The following CNTNAP2 variants were observed in gnomAD, a reference collection of about 807,000 sequenced individuals.
The protein encoded by CNTNAP2 is contactin-associated protein-like 2.
Under a neutral mutation model 155.2 loss-of-function variants are expected in CNTNAP2, and 98 were observed. The observed-to-expected ratio is 0.63, with a 90% CI of 0.54 to 0.75. The LOEUF is 0.75. CNTNAP2 is among the 30% of genes least tolerant of loss of function. The pLI is 0.00. For missense variants in CNTNAP2, 1,727 were observed against 1,688.1 expected (o/e 1.02, Z -0.40); for synonymous variants, 651 against 631.2 (o/e 1.03, Z -0.47).
At chr7:147,501,272 C>T (rs913133155) in intron 11 of CNTNAP2, among the ~76,000 whole-genome samples, 3 of 151,768 alleles carry the variant, frequency 2.0e-5, no homozygotes, top group East Asian at 1.9e-4. Context: ...CCACAGCTAT[C>T]ATCATCCTCA....
At chr7:147,314,198 A>G (rs4269450) in intron 9 of CNTNAP2, among the ~76,000 whole-genome samples, 79,943 of 151,974 alleles carry the variant, frequency 0.53, 21,873 homozygotes, top group East Asian at 0.73. Flanking sequence ...ATCTAATGGG[A>G]AAATTTGAAG....
At chr7:147,429,507 C>T (rs910788330) in intron 10 of CNTNAP2, among the ~76,000 whole-genome samples, 1 of 152,040 alleles carries the variant, frequency 6.6e-6, no homozygotes, top group African/African-American at 2.4e-5. Flanking sequence ...TTCTCCCACT[C>T]TGTGGGTTGT....
chr7:147,797,094 C>T (rs1797908912), intron 13 of CNTNAP2, among the ~76,000 whole-genome samples: 1 of 152,138 alleles, frequency 6.6e-6, no homozygotes, highest in East Asian at 1.9e-4. Flanking sequence ...TACTTAGTCC[C>T]ACCCTGATAC....
At chr7:147,751,440 T>A (rs1462123923) in intron 13 of CNTNAP2, among the ~76,000 whole-genome samples, 1 of 149,234 alleles carries the variant, frequency 6.7e-6, no homozygotes, top group East Asian at 2.0e-4. Flanking sequence ...ATAGAGAATT[T>A]ATGATCTGGA....
At chr7:147,512,689 A>G (rs962634866) in intron 11 of CNTNAP2, among the ~76,000 whole-genome samples, 3 of 152,188 alleles carry the variant, frequency 2.0e-5, no homozygotes, top group African/African-American at 7.2e-5. Context: ...CTATCATATC[A>G]CCTTCCAGAA....
intron 4 of CNTNAP2, among the ~76,000 whole-genome samples, chr7:147,055,542 A>G (rs1159111471): frequency 2.0e-5 from 3 of 152,180 alleles, no homozygotes; most frequent in African/African-American, 7.2e-5. Flanking sequence ...AACACCTGAC[A>G]CCTGACGTAA....
At chr7:148,140,055 G>A (rs1338661328) in intron 16 of CNTNAP2, among the ~76,000 whole-genome samples, 1 of 152,184 alleles carries the variant, frequency 6.6e-6, no homozygotes, top group Non-Finnish European at 1.5e-5. Flanking sequence ...CTATACTCAT[G>A]CTGCATTATG....
intron 3 of CNTNAP2, among the ~76,000 whole-genome samples, chr7:146,947,464 ATATT>A (rs977498759): frequency 4.9e-5 from 7 of 143,510 alleles, no homozygotes; most frequent in African/African-American, 1.8e-4. Flanking sequence ...CTTTCTATAT[ATATT>A]GTATATATAT....
chr7:146,875,542 T>C (rs1795400898), intron 3 of CNTNAP2, among the ~76,000 whole-genome samples: 1 of 152,278 alleles, frequency 6.6e-6, no homozygotes, highest in East Asian at 1.9e-4. Context: ...GGAAGCCAGC[T>C]CTTCGAAATG....
At chr7:146,469,866 G>T (rs1183090757) in intron 1 of CNTNAP2, among the ~76,000 whole-genome samples, 3 of 124,082 alleles carry the variant, frequency 2.4e-5, no homozygotes, top group South Asian at 2.6e-4. Context: ...TTGAGACACA[G>T]TCTTACTCTG....
At chr7:146,681,759 C>A (rs1035602798) in intron 1 of CNTNAP2, among the ~76,000 whole-genome samples, 4 of 152,044 alleles carry the variant, frequency 2.6e-5, no homozygotes, top group Non-Finnish European at 5.9e-5. Context: ...GAAACCTGTA[C>A]CCCTGAACAT....
intron 13 of CNTNAP2, among the ~76,000 whole-genome samples, chr7:147,688,193 C>T (rs932926652): frequency 1.3e-5 from 2 of 152,104 alleles, no homozygotes; most frequent in East Asian, 3.9e-4. Flanking sequence ...CCTGGGAAGG[C>T]TGTTCTTATC....
chr7:147,129,694 G>A (rs1014340822), intron 7 of CNTNAP2, among the ~76,000 whole-genome samples: 1 of 152,148 alleles, frequency 6.6e-6, no homozygotes, highest in Admixed American at 6.6e-5. Context: ...CTCCAAAAGA[G>A]CTCTGATGGT....
chr7:146,533,755 G>C (rs1196110465), intron 1 of CNTNAP2, among the ~76,000 whole-genome samples: 1 of 152,028 alleles, frequency 6.6e-6, no homozygotes, highest in African/African-American at 2.4e-5. Flanking sequence ...ATGATTCCAA[G>C]TGGATGGGAG....
chr7:147,783,432 G>A (rs1797687710), intron 13 of CNTNAP2, among the ~76,000 whole-genome samples: 1 of 152,098 alleles, frequency 6.6e-6, no homozygotes. Context: ...GGGCTGTTTG[G>A]TTCTCTCCAA....
At chr7:148,049,057 CA>C (rs572458618) in intron 15 of CNTNAP2, among the ~76,000 whole-genome samples, 50 of 151,676 alleles carry the variant, frequency 3.3e-4, no homozygotes, top group African/African-American at 1.2e-3. Flanking sequence ...ACTAAAAATA[CA>C]AAAAAAATTA....
intron 12 of CNTNAP2, among the ~76,000 whole-genome samples, chr7:147,592,480 T>TG (rs983551458): frequency 1.8e-4 from 26 of 148,244 alleles, no homozygotes; most frequent in East Asian, 1.6e-3. Context: ...TGTTTCTGGT[T>TG]TTTTTTTTTT....
intron 3 of CNTNAP2, among the ~76,000 whole-genome samples, chr7:146,906,769 C>T (rs376783638): frequency 1.8e-4 from 28 of 152,250 alleles, no homozygotes; most frequent in African/African-American, 3.9e-4. Flanking sequence ...AGGAACGCAG[C>T]TCCTCACCAG....
chr7:147,958,087 A>G (rs1801051020), intron 14 of CNTNAP2, among the ~76,000 whole-genome samples: 1 of 152,160 alleles, frequency 6.6e-6, no homozygotes, highest in Non-Finnish European at 1.5e-5. Flanking sequence ...AAATAAACCA[A>G]TAGGACATAT....
Sources: allele counts gnomAD v4.1 joint callset (sites outside exome capture counted in the v4.1 genomes callset), GRCh38; gene constraint gnomAD v4.1.1; transcripts MANE v1.5; gene names NCBI Gene and HGNC (gene_info 2026-07-23, HGNC 2026-07-21).